Variants in FRMD4A observed in about 807,000 individuals in gnomAD.
FRMD4A encodes FERM domain containing 4A, also known as FERM domain-containing protein 4A.
Under a neutral mutation model 129.1 loss-of-function variants are expected in FRMD4A, and 29 were observed. That is an observed-to-expected ratio of 0.22 (90% CI 0.17 to 0.31). The LOEUF (loss-of-function observed/expected upper bound fraction) is 0.31, where lower values mean the gene tolerates loss of function less well. FRMD4A is among the 10% of genes least tolerant of loss of function. The probability of loss-of-function intolerance (pLI) is 1.00; values close to 1 mark genes in which losing one functional copy is unlikely to be tolerated. For missense variants in FRMD4A, 1,272 were observed against 1,375.8 expected (o/e 0.92, Z 1.19); for synonymous variants, 634 against 571.6 (o/e 1.11, Z -1.56).
At chr10:13,782,829 A>G (rs535911968) in intron 6 of FRMD4A, 93 bp downstream of exon 6, 1 of 743,256 alleles carries the variant, frequency 1.3e-6, no homozygotes, top group African/African-American at 1.7e-5. Flanking sequence ...CTCCTAATCA[A>G]TAAAATGGCC....
intron 2 of FRMD4A, among the ~76,000 whole-genome samples, chr10:14,038,287 C>T (rs187649446): frequency 0.012 from 1,784 of 152,274 alleles, 48 homozygotes; most frequent in African/African-American, 0.04. Flanking sequence ...CGCACCACTG[C>T]ACTCCAGCCT....
intron 2 of FRMD4A, among the ~76,000 whole-genome samples, chr10:13,907,901 C>A (rs1199888166): frequency 6.6e-6 from 1 of 150,712 alleles, no homozygotes; most frequent in African/African-American, 2.4e-5. Flanking sequence ...TGCAGTGGCT[C>A]ACACCTGTAA....
intron 2 of FRMD4A, among the ~76,000 whole-genome samples, chr10:14,067,477 G>C (rs1835116523): frequency 6.6e-6 from 1 of 152,038 alleles, no homozygotes; most frequent in South Asian, 2.1e-4. Context: ...AGCAGAACTA[G>C]GAAATAGCAT....
chr10:14,104,907 G>A (rs1564295093), intron 2 of FRMD4A, among the ~76,000 whole-genome samples: 1 of 152,222 alleles, frequency 6.6e-6, no homozygotes, highest in Non-Finnish European at 1.5e-5. Context: ...CCTGAGAAGT[G>A]TGCCCTTAGA....
chr10:14,023,574 T>C (rs1832859254), intron 2 of FRMD4A, among the ~76,000 whole-genome samples: 1 of 152,202 alleles, frequency 6.6e-6, no homozygotes, highest in African/African-American at 2.4e-5. Flanking sequence ...ACCTGTGTAT[T>C]TCACAGTCTT....
chr10:14,329,889 T>C (rs568787732), intron 2 of FRMD4A, among the ~76,000 whole-genome samples, 169 bp downstream of exon 2: 2 of 152,278 alleles, frequency 1.3e-5, no homozygotes, highest in South Asian at 4.1e-4. Flanking sequence ...CTGCAAGTGC[T>C]TTGTCATGCT....
At chr10:14,269,189 T>C (rs908044861) in intron 2 of FRMD4A, among the ~76,000 whole-genome samples, 4 of 152,182 alleles carry the variant, frequency 2.6e-5, no homozygotes, top group Admixed American at 6.5e-5. Flanking sequence ...GTAATGCATC[T>C]ATTCACAGGA....
At chr10:13,756,012 T>A (rs1200323567) in intron 8 of FRMD4A, 1 of 152,228 alleles carries the variant, frequency 6.6e-6, no homozygotes, top group Non-Finnish European at 1.5e-5. Context: ...TACACGGAAT[T>A]TCCTTACTAT....
intron 2 of FRMD4A, among the ~76,000 whole-genome samples, chr10:14,241,754 A>G (rs982971659): frequency 6.9e-5 from 10 of 145,794 alleles, no homozygotes; most frequent in Non-Finnish European, 1.3e-4. Context: ...AGGTGTTGCC[A>G]GGAACAGACA....
intron 2 of FRMD4A, among the ~76,000 whole-genome samples, chr10:14,078,034 TTC>T (rs1429259618): frequency 2.6e-5 from 4 of 152,222 alleles, no homozygotes; most frequent in Non-Finnish European, 5.9e-5. Flanking sequence ...CAATTTCAGC[TTC>T]AATTCACCTG....
intron 2 of FRMD4A, among the ~76,000 whole-genome samples, chr10:14,298,256 T>TAAA (rs770628894): frequency 3.1e-4 from 47 of 152,160 alleles, no homozygotes; most frequent in Non-Finnish European, 5.4e-4. Context: ...ATCTGACAGG[T>TAAA]AAATATACAC....
chr10:14,049,504 T>C (rs572395889), intron 2 of FRMD4A, among the ~76,000 whole-genome samples: 1 of 152,354 alleles, frequency 6.6e-6, no homozygotes, highest in South Asian at 2.1e-4. Flanking sequence ...CCCAACTGTG[T>C]CCTTCCATAG....
chr10:13,732,420 A>G (rs952011743), intron 12 of FRMD4A, among the ~76,000 whole-genome samples: 10 of 152,122 alleles, frequency 6.6e-5, no homozygotes, highest in African/African-American at 2.4e-4. Flanking sequence ...CGGGTTGCCA[A>G]TGCTGTTGGA....
At chr10:14,104,035 C>T (rs1837449509) in intron 2 of FRMD4A, among the ~76,000 whole-genome samples, 1 of 152,228 alleles carries the variant, frequency 6.6e-6, no homozygotes, top group African/African-American at 2.4e-5. Context: ...CAAATGCTGG[C>T]TTAGAGAAAG....
At chr10:14,158,536 C>G (rs536723376) in intron 2 of FRMD4A, among the ~76,000 whole-genome samples, 1 of 152,028 alleles carries the variant, frequency 6.6e-6, no homozygotes, top group East Asian at 1.9e-4. Flanking sequence ...CGCTTGAGCC[C>G]AGGAGTTAGA....
intron 15 of FRMD4A, among the ~76,000 whole-genome samples, chr10:13,679,988 C>T (rs774945758): frequency 6.6e-6 from 1 of 152,186 alleles, no homozygotes; most frequent in Non-Finnish European, 1.5e-5. Context: ...ACTAGGCATC[C>T]ACTGACCCAG....
rs113634292 is a variant in FRMD4A, at chr10:13,742,659, G to C, written c.549-2082C>G. On this transcript the variant is annotated intron_variant, in intron 9 of 24. Coordinates refer to ENST00000357447, the MANE Select transcript of FRMD4A (RefSeq NM_018027.5). ...AGTCTTCCGAATAGCTGGGATTATAGGTGTGCACCACCACGCCTGGCTAAT... is the reference window on the plus strand; with the variant it reads ...AGTCTTCCGAATAGCTGGGATTATACGTGTGCACCACCACGCCTGGCTAAT... Among the ~76,000 whole-genome samples, 1,107 of 152,248 alleles carry C rather than the reference G, an allele frequency of 7.3e-3. 13 individuals carry two copies. Among genetic ancestry groups the C allele is most frequent in the African/African-American group, 0.025 (1,035 of 41,534 alleles).
chr10:13,792,379 G>A (rs1028460472), intron 5 of FRMD4A, among the ~76,000 whole-genome samples: 2 of 152,096 alleles, frequency 1.3e-5, no homozygotes, highest in African/African-American at 4.8e-5. Flanking sequence ...ACACTGAAGG[G>A]ATACACAGGA....
At chr10:14,098,543 G>A (rs1837125090) in intron 2 of FRMD4A, among the ~76,000 whole-genome samples, 2 of 152,096 alleles carry the variant, frequency 1.3e-5, no homozygotes, top group South Asian at 2.1e-4. Context: ...AGCTGGGACT[G>A]CAGGTGCCTG....
Sources: allele counts gnomAD v4.1 joint callset (sites outside exome capture counted in the v4.1 genomes callset), GRCh38; gene constraint gnomAD v4.1.1; transcripts MANE v1.5; gene names NCBI Gene and HGNC (gene_info 2026-07-23, HGNC 2026-07-21).